CNTLN: variants seen among roughly 807,000 people sequenced by gnomAD.
CNTLN encodes centlein, also known as centlein, centrosomal protein.
A neutral mutation model predicts 180.0 loss-of-function variants in CNTLN; 212 were observed. The observed-to-expected ratio is 1.18, with a 90% CI of 1.05 to 1.32. The LOEUF is 1.32. CNTLN is among the 40% of genes most tolerant of loss of function. The pLI is 0.00. For synonymous variants in CNTLN, 722 were observed against 563.1 expected, an observed-to-expected ratio of 1.28 and a Z score of -3.99; for missense variants, 2,095 against 1,610.9, an observed-to-expected ratio of 1.30 and a Z score of -5.14.
At chr9:17,480,300 C>G (rs1386065831) in intron 23 of CNTLN, among the ~76,000 whole-genome samples, 1 of 150,858 alleles carries the variant, frequency 6.6e-6, no homozygotes, top group Non-Finnish European at 1.5e-5. Context: ...AAATATACAT[C>G]AGATAAATGC....
At chr9:17,308,979 TACACACAC>T in intron 7 of CNTLN, 71 bp from the exon 8 acceptor site, 1 of 770,516 alleles carries the variant, frequency 1.3e-6, no homozygotes, top group South Asian at 2.6e-5. Context: ...TATGTATATA[TACACACAC>T]ACACACACAG....
At chr9:17,376,291 A>T (rs375336954) in intron 13 of CNTLN, among the ~76,000 whole-genome samples, 3 of 152,076 alleles carry the variant, frequency 2.0e-5, no homozygotes, top group Non-Finnish European at 4.4e-5. Context: ...AAAATTAATG[A>T]CTTTATGTTT....
intron 2 of CNTLN, among the ~76,000 whole-genome samples, chr9:17,218,650 A>G (rs899092481): frequency 5.3e-5 from 8 of 152,156 alleles, no homozygotes; most frequent in African/African-American, 1.9e-4. Flanking sequence ...CTGCATTTTA[A>G]TAGGTTCTCT....
intron 2 of CNTLN, among the ~76,000 whole-genome samples, chr9:17,207,509 G>A (rs1263232752): frequency 6.6e-6 from 1 of 152,170 alleles, no homozygotes; most frequent in Admixed American, 6.5e-5. Flanking sequence ...ATCTTCCGTT[G>A]TGCAGACTGC....
At chr9:17,464,253 A>G (rs1831614618) in intron 20 of CNTLN, among the ~76,000 whole-genome samples, 1 of 151,304 alleles carries the variant, frequency 6.6e-6, no homozygotes, top group Non-Finnish European at 1.5e-5. Context: ...CATTTCTTAT[A>G]TATTTTGTTT....
chr9:17,137,437 A>G (rs1817796349), intron 1 of CNTLN, among the ~76,000 whole-genome samples: 1 of 152,216 alleles, frequency 6.6e-6, no homozygotes, highest in Admixed American at 6.5e-5. Context: ...GCTAGAGATC[A>G]CAGTACCCAA....
chr9:17,177,748 G>C (rs984077316), intron 2 of CNTLN, among the ~76,000 whole-genome samples: 1 of 152,140 alleles, frequency 6.6e-6, no homozygotes, highest in Non-Finnish European at 1.5e-5. Context: ...CCTTCGCGGT[G>C]AGTGTTACAG....
chr9:17,224,180 A>G (rs533787259), intron 2 of CNTLN, among the ~76,000 whole-genome samples: 4 of 152,002 alleles, frequency 2.6e-5, no homozygotes, highest in East Asian at 1.9e-4. Context: ...ACTGATAGCA[A>G]TTTGACATAC....
intron 7 of CNTLN, among the ~76,000 whole-genome samples, chr9:17,304,325 A>G (rs183029883): frequency 6.1e-4 from 93 of 152,316 alleles, no homozygotes; most frequent in Admixed American, 2.0e-3. Flanking sequence ...TCCTCTGAGC[A>G]TGTAGCCGTT....
downstream of CNTLN, among the ~76,000 whole-genome samples, chr9:17,508,007 T>C (rs1833963896): frequency 6.6e-6 from 1 of 152,200 alleles, no homozygotes; most frequent in Non-Finnish European, 1.5e-5. Flanking sequence ...TTGCTCTTTG[T>C]TAATGCTGAC....
At chr9:17,272,061 C>G (rs1467355289) in intron 5 of CNTLN, among the ~76,000 whole-genome samples, 2 of 134,024 alleles carry the variant, frequency 1.5e-5, no homozygotes, top group African/African-American at 5.6e-5. Flanking sequence ...CTTCCTCTCT[C>G]TTTCCTTTCT....
intron 18 of CNTLN, among the ~76,000 whole-genome samples, chr9:17,445,494 C>T (rs933514706): frequency 1.3e-5 from 2 of 152,122 alleles, no homozygotes; most frequent in Admixed American, 1.3e-4. Flanking sequence ...AACCTTACCC[C>T]CAACCCCGTG....
Position 17,502,612 on chromosome 9 carries a change from T to A in CNTLN, c.4181T>A (p.Leu1394Gln). ...GAAAAAATAAATGAAAAAAAGAAAC[T>A]AGTTGAAGGATATTTCACAATTATG... is the stretch of plus-strand genomic sequence containing the variant. ...VLEKINEKKK[L>Q]VEGYFTIMKD... Residue 1394 changes from leucine (L) to glutamine (Q), a missense_variant, in exon 26 of 26, where the codon CTA becomes CAA. Physicochemically the swap from Leu to Gln is moderately radical, Grantham distance 113 (BLOSUM62 -2). Transcript: ENST00000380647. The A allele has an allele frequency of 1.4e-6, 2 of 1,399,038 alleles. No homozygotes were observed. Among genetic ancestry groups the A allele is most frequent in the South Asian group, 1.3e-5 (1 of 76,108 alleles). 86.7% of individuals were successfully genotyped at this position (1,399,038 alleles called of 1,614,324 possible).
Position 17,236,459 on chromosome 9 carries a change from A to T in CNTLN, c.720A>T (p.Ile240=). The stretch of plus-strand genomic sequence containing the variant: ...AAGAAGAGCAAAACAGACTAGTTAT[A>T]AAAAATCTGGAGGAGGAAAACAAGA... ...QNKEEQNRLV[I]KNLEEENKKL... The change falls in exon 5 of 26, where the codon ATA becomes ATT. Residue 240 remains isoleucine (I), a synonymous_variant. Transcript: ENST00000380647. 6.2e-7 allele frequency: 1 copy of T among 1,613,666 alleles called. No individual in the cohort carries two copies. The highest frequency in any genetic ancestry group is 8.5e-7 in the Non-Finnish European group (1 of 1,179,700).
chr9:17,250,862 T>C (rs1826095703), intron 5 of CNTLN, among the ~76,000 whole-genome samples: 1 of 152,114 alleles, frequency 6.6e-6, no homozygotes, highest in Admixed American at 6.6e-5. Flanking sequence ...TATTTCTTCA[T>C]ATGGATTTGA....
Position 17,309,362 on chromosome 9 carries a change from A to G in CNTLN, c.1341+110A>G, listed in dbSNP as rs1218606598. Reference sequence around the variant, plus strand: ...ATATATTTGCATTTATTGGAGTATAAGAAGTGTGCAGATTGTTTTGCATTA... The same window carrying G: ...ATATATTTGCATTTATTGGAGTATAGGAAGTGTGCAGATTGTTTTGCATTA... On this transcript the variant is annotated intron_variant, in intron 8 of 25. Transcript: ENST00000380647. The G allele has an allele frequency of 7.1e-6, 6 of 845,098 alleles. No homozygotes were observed. In the Admixed American group the frequency reaches 1.5e-4, roughly 21 times the overall value. The allele number at this position is 845,098 out of a possible 1,614,324, so 52.3% of individuals were successfully genotyped here.
intron 2 of CNTLN, among the ~76,000 whole-genome samples, chr9:17,189,984 T>C (rs114410488): frequency 6.6e-6 from 1 of 151,924 alleles, no homozygotes; most frequent in African/African-American, 2.4e-5. Flanking sequence ...TGATTAATAC[T>C]CAGAACTTCC....
chr9:17,527,059 T>G, the CNTLN span, among the ~76,000 whole-genome samples: 1 of 152,150 alleles, frequency 6.6e-6, no homozygotes, highest in African/African-American at 2.4e-5. Flanking sequence ...TTTTCTGTAT[T>G]TTTAGTAGAG....
intron 1 of CNTLN, among the ~76,000 whole-genome samples, chr9:17,141,156 C>G (rs951650076): frequency 6.6e-6 from 1 of 152,120 alleles, no homozygotes; most frequent in Non-Finnish European, 1.5e-5. Context: ...GGAGGTTGGT[C>G]TGTTACTTGG....
Sources: allele counts gnomAD v4.1 joint callset (sites outside exome capture counted in the v4.1 genomes callset), GRCh38; gene constraint gnomAD v4.1.1; transcripts MANE v1.5; gene names NCBI Gene and HGNC (gene_info 2026-07-23, HGNC 2026-07-21).